The following DNAH6 variants were observed in gnomAD, a reference collection of about 807,000 sequenced individuals.
DNAH6 encodes the protein dynein axonemal heavy chain 6.
In DNAH6, 340 loss-of-function variants were observed where a neutral mutation model predicts 491.4. That is an observed-to-expected ratio of 0.69 (90% CI 0.63 to 0.76). The LOEUF (loss-of-function observed/expected upper bound fraction) is 0.76, where lower values mean the gene tolerates loss of function less well. DNAH6 is among the 30% of genes least tolerant of loss of function. The pLI is 0.00. For synonymous variants in DNAH6, 1,603 were observed against 1,686.1 expected (o/e 0.95, Z 1.21); for missense variants, 4,443 against 4,972.2 (o/e 0.89, Z 3.20).
In DNAH6 at chr2:84,621,277, T is replaced by A. The variant is rs1446625730; in HGVS notation, c.3879T>A (p.Arg1293=). 14 of 1,551,520 alleles carry A rather than the reference T, an allele frequency of 9.0e-6. No homozygotes were observed. The highest frequency in any genetic ancestry group is 4.1e-5 in the African/African-American group (3 of 73,040). The change falls in exon 25 of 77, where the codon CGT becomes CGA. Residue 1293 remains arginine, a synonymous_variant. Coordinates refer to ENST00000389394, the MANE Select transcript of DNAH6 (RefSeq NM_001370.2). ...AAGAAGCCATGTTCACATCTCTGCG[T>A]CGCCTGTGCAAAGCTGCCATCGCTG... ...KVEEAMFTSL[R]RLCKAAIADY...
At chr2:84,753,588 T>C (rs1673676131) in intron 63 of DNAH6, among the ~76,000 whole-genome samples, 3 of 151,562 alleles carry the variant, frequency 2.0e-5, no homozygotes, top group Admixed American at 2.0e-4. Context: ...AGAAACCCCG[T>C]CTCTACTAAA....
intron 57 of DNAH6, among the ~76,000 whole-genome samples, chr2:84,713,460 A>T (rs1573573873): frequency 6.6e-6 from 1 of 151,884 alleles, no homozygotes; most frequent in Non-Finnish European, 1.5e-5. Flanking sequence ...CCTTGTCATC[A>T]CCATCTAGTT....
the DNAH6 span, among the ~76,000 whole-genome samples, chr2:84,462,896 A>C: frequency 6.6e-6 from 1 of 152,198 alleles, no homozygotes; most frequent in Admixed American, 6.5e-5. Flanking sequence ...TGTGAGTAAA[A>C]TGCATACCAA....
the DNAH6 span, among the ~76,000 whole-genome samples, chr2:84,483,449 G>A: frequency 6.6e-6 from 1 of 152,116 alleles, no homozygotes; most frequent in Non-Finnish European, 1.5e-5. Context: ...GACAGACAGT[G>A]TTTCAAACTA....
intron 30 of DNAH6, 143 bp from the exon 31 acceptor site, chr2:84,637,067 A>G: frequency 1.5e-6 from 1 of 680,948 alleles, no homozygotes; most frequent in Non-Finnish European, 2.4e-6. Flanking sequence ...CAGAATCAGA[A>G]ATGTTCCCTG....
the DNAH6 span, among the ~76,000 whole-genome samples, chr2:84,511,209 G>A: frequency 3.3e-5 from 5 of 152,190 alleles, no homozygotes; most frequent in East Asian, 3.9e-4. Context: ...CTTGAACTGC[G>A]GTGGGCTCCA....
chr2:84,682,590 T>C (rs1334275393), intron 42 of DNAH6, among the ~76,000 whole-genome samples: 1 of 152,158 alleles, frequency 6.6e-6, no homozygotes, highest in East Asian at 1.9e-4. Flanking sequence ...AAACTTGGCA[T>C]GTCTAAATGG....
chr2:84,485,957 A>G, the DNAH6 span, among the ~76,000 whole-genome samples: 1 of 152,036 alleles, frequency 6.6e-6, no homozygotes, highest in Non-Finnish European at 1.5e-5. Context: ...CAGAATTGAA[A>G]CAAAAGTTTT....
In DNAH6 at chr2:84,621,211, C is replaced by T. The variant is rs1376326772; in HGVS notation, c.3813C>T (p.Leu1271=). The T allele has an allele frequency of 6.4e-7, 1 of 1,551,574 alleles. No homozygotes were observed. The highest frequency in any genetic ancestry group is 8.7e-7 in the Non-Finnish European group (1 of 1,146,878). ...TTTAGGTTAGCTTGGGGAAAGGCCTCAAGGCCCGAGGCAATGTAGAGGAAT... is the reference window on the plus strand; with the variant it reads ...TTTAGGTTAGCTTGGGGAAAGGCCTTAAGGCCCGAGGCAATGTAGAGGAAT... ...EGERVSLGKG[L]KARGNVEEWL... is the part of the protein sequence containing the mutation. Residue 1271 remains leucine (L), a synonymous_variant, in exon 25 of 77, where the codon CTC becomes CTT. Coordinates refer to ENST00000389394, the MANE Select transcript of DNAH6 (RefSeq NM_001370.2).
Position 84,816,038 on chromosome 2 carries a change from C to G in DNAH6, c.12328C>G (p.Pro4110Ala). Residue 4110 changes from proline (P) to alanine (A), a missense_variant, in exon 76 of 77, where the codon CCA (proline) becomes GCA (alanine). Coordinates refer to ENST00000389394, the MANE Select transcript of DNAH6 (RefSeq NM_001370.2). ...GCCAAGCCCAACACTTTACCACTGC[C>G]CACTTTATAAAACAGGAGCCCGGGC... ...YKPSPTLYHC[P>A]LYKTGARAGT... The G allele has an allele frequency of 2.6e-6, 4 of 1,551,658 alleles. No individual in the cohort carries two copies. The highest frequency in any genetic ancestry group is 3.5e-6 in the Non-Finnish European group (4 of 1,146,994).
At chr2:84,641,807 G>A (rs958327099) in intron 32 of DNAH6, 140 bp from the exon 33 acceptor site, 3 of 647,602 alleles carry the variant, frequency 4.6e-6, no homozygotes, top group African/African-American at 1.8e-5. Context: ...GGAGATGAAC[G>A]CTGAACACAC....
At chr2:84,737,320 A>G (rs945716948) in intron 62 of DNAH6, among the ~76,000 whole-genome samples, 12 of 152,026 alleles carry the variant, frequency 7.9e-5, no homozygotes, top group Non-Finnish European at 1.6e-4. Context: ...AGATATTTGT[A>G]TCAGGATGAT....
intron 18 of DNAH6, among the ~76,000 whole-genome samples, chr2:84,603,020 T>C (rs1020356176): frequency 1.3e-5 from 2 of 152,144 alleles, no homozygotes; most frequent in African/African-American, 4.8e-5. Flanking sequence ...CTTTTCTATC[T>C]TTTCCATTAG....
chr2:84,751,907 A>G (rs1371260490), intron 63 of DNAH6, among the ~76,000 whole-genome samples: 2 of 152,260 alleles, frequency 1.3e-5, no homozygotes, highest in Non-Finnish European at 2.9e-5. Context: ...TTTTGCAAAC[A>G]TACTTTGAGA....
intron 51 of DNAH6, among the ~76,000 whole-genome samples, chr2:84,705,284 G>A (rs113151743): frequency 1.4e-4 from 21 of 152,222 alleles, no homozygotes; most frequent in African/African-American, 3.9e-4. Flanking sequence ...AAGCTGGGTC[G>A]CATGGAAACT....
At chr2:84,619,654 A>G (rs1687215440) in intron 23 of DNAH6, 31 bp from the exon 24 acceptor site, 2 of 1,527,126 alleles carry the variant, frequency 1.3e-6, no homozygotes, top group African/African-American at 2.8e-5. Context: ...TTCCATTTCA[A>G]GTTATATTTT....
chr2:84,809,773 A>T (rs1015570517), intron 72 of DNAH6, among the ~76,000 whole-genome samples: 2 of 152,164 alleles, frequency 1.3e-5, no homozygotes, highest in African/African-American at 4.8e-5. Flanking sequence ...GTCTGGGTCT[A>T]AGGTGGCTGC....
At chr2:84,514,380 T>C (rs564828443), upstream of DNAH6, among the ~76,000 whole-genome samples, 2 of 152,284 alleles carry the variant, frequency 1.3e-5, no homozygotes, top group East Asian at 3.9e-4. Context: ...TTCCTATCTG[T>C]GGAATAGGTA....
chr2:84,477,812 G>A, the DNAH6 span, among the ~76,000 whole-genome samples: 1 of 152,198 alleles, frequency 6.6e-6, no homozygotes, highest in South Asian at 2.1e-4. Context: ...GTATTACAAA[G>A]TATCTTACCT....
Sources: gnomAD v4.1 joint callset for allele counts (sites outside exome capture counted in the v4.1 genomes callset) on GRCh38, gnomAD v4.1.1 for gene constraint, MANE v1.5 for transcripts, NCBI Gene and HGNC (gene_info 2026-07-23, HGNC 2026-07-21) for gene names.